Variants in DOT1L observed in about 807,000 individuals in gnomAD.
DOT1L encodes the protein DOT1 like histone lysine methyltransferase, also known as histone-lysine N-methyltransferase, H3 lysine-79 specific.
A neutral mutation model predicts 153.3 loss-of-function variants in DOT1L; 33 were observed. The ratio of observed to expected loss-of-function variants is 0.22; its 90% confidence interval spans 0.16 to 0.29. DOT1L has a LOEUF of 0.29. DOT1L is among the 10% of genes least tolerant of loss of function. The pLI is 1.00. For missense variants in DOT1L, 1,847 were observed against 2,119.9 expected (o/e 0.87, Z 2.53); for synonymous variants, 1,135 against 965.1 (o/e 1.18, Z -3.26).
intron 16 of DOT1L, chr19:2,212,961 C>T (rs2023766823): frequency 6.6e-6 from 1 of 152,322 alleles, no homozygotes; most frequent in Non-Finnish European, 1.5e-5. Context: ...GTCCCTGAGC[C>T]CTGGTTTGCA....
In DOT1L at chr19:2,214,478, C is replaced by G; in HGVS notation, c.1805C>G (p.Ala602Gly). The stretch of plus-strand genomic sequence containing the variant: ...CCATCCCTATCCCCTCAGCTCAAGG[C>G]TCGCTGCGAGGAGCTGCAGCTGGAC... ...LRGQSLQLLK[A>G]RCEELQLDWA... Residue 602 changes from alanine to glycine, a missense_variant, in exon 19 of 28, where the codon GCT becomes GGT. Transcript: ENST00000398665. 6.2e-7 allele frequency: 1 copy of G among 1,612,780 alleles called. No homozygotes were observed. Among genetic ancestry groups the G allele is most frequent in the East Asian group, 2.2e-5 (1 of 44,878 alleles).
Position 2,220,062 on chromosome 19 carries a change from CCTGGGGCACCTGCTG to C in DOT1L, c.2692-44_2692-30del. 1.3e-6 allele frequency: 2 copies of C among 1,538,740 alleles called. No individual in the cohort carries two copies. Among genetic ancestry groups the C allele is most frequent in the East Asian group, 2.3e-5 (1 of 44,232 alleles). ...CTGTTTCCAGCTGGGTTCTGGGTCT[CCTGGGGCACCTGCTG>C]CCCCTGACACACAGGGTTTTCTCTC... On this transcript the variant is annotated intron_variant, in intron 22 of 27. Transcript: ENST00000398665. This position sits in a 1 kb window ranked among gnomAD's most constrained non-coding sequence, Gnocchi z 4.5.
intron 10 of DOT1L, 134 bp downstream of exon 10, chr19:2,206,931 G>GC (rs1463135280): frequency 2.0e-5 from 18 of 889,134 alleles, no homozygotes; most frequent in Non-Finnish European, 3.2e-5. Flanking sequence ...GCTGTCCTGG[G>GC]CAGTGCAGGG....
chr19:2,186,976 C>T (rs1407829846), intron 3 of DOT1L, among the ~76,000 whole-genome samples: 1 of 152,202 alleles, frequency 6.6e-6, no homozygotes, highest in African/African-American at 2.4e-5. Flanking sequence ...AGCTCTGTGT[C>T]CGTGGAGTTG....
rs369531222 is a variant in DOT1L, at chr19:2,231,814, G to A, written c.*2022G>A. The A allele has an allele frequency of 4.6e-6, 1 of 218,514 alleles. No homozygotes were observed. The highest frequency in any genetic ancestry group is 9.2e-6 in the Non-Finnish European group (1 of 108,754). The allele number at this position is 218,514 out of a possible 1,614,324, so 13.5% of individuals were successfully genotyped here. A position where few individuals can be genotyped will look rare whatever the true frequency, so the allele number is the denominator to read the frequency against. On this transcript the variant is annotated 3_prime_UTR_variant, in exon 28 of 28. Coordinates refer to ENST00000398665, the MANE Select transcript of DOT1L (RefSeq NM_032482.3). ...CCTCTAGGTGACAGTGGCAGTCCGGGTGCCATCACGGGTCCTGCAGATGGC... is the reference window on the plus strand; with the variant it reads ...CCTCTAGGTGACAGTGGCAGTCCGGATGCCATCACGGGTCCTGCAGATGGC...
intron 2 of DOT1L, among the ~76,000 whole-genome samples, chr19:2,183,498 G>A (rs1007662207): frequency 2.6e-5 from 4 of 152,140 alleles, no homozygotes; most frequent in Admixed American, 6.5e-5. Context: ...TTGGATGTCC[G>A]TTGAGAATCA....
chr19:2,166,077 A>ATATGTTATGTTATGTTATGT (rs369384556), intron 1 of DOT1L, among the ~76,000 whole-genome samples: 6 of 146,294 alleles, frequency 4.1e-5, no homozygotes, highest in African/African-American at 1.5e-4. Flanking sequence ...GCCCACATTT[A>ATATGTTATGTTATGTTATGT]TATGTTATGT....
intron 1 of DOT1L, 76 bp from the exon 2 acceptor site, chr19:2,180,637 G>T: frequency 6.4e-7 from 1 of 1,569,928 alleles, no homozygotes; most frequent in Admixed American, 1.7e-5. Context: ...TGACGGCATC[G>T]CTTGTCCGGG....
rs2023791080 is a variant in DOT1L at position 2,213,632 on chromosome 19, T to G, written c.1651T>G (p.Leu551Val). 4 of 1,613,400 alleles carry G rather than the reference T, an allele frequency of 2.5e-6. No individual in the cohort carries two copies. Among genetic ancestry groups the G allele is most frequent in the Non-Finnish European group, 3.4e-6 (4 of 1,179,896 alleles). Residue 551 changes from leucine to valine, a missense_variant, in exon 17 of 28, where the codon TTG becomes GTG. Leu to Val is a conservative substitution (Grantham distance 32). Around this residue, in one of 8 missense-constraint regions of DOT1L, gnomAD observed 156 missense variants for 235.7 expected, o/e 0.66. Coordinates refer to ENST00000398665, the MANE Select transcript of DOT1L (RefSeq NM_032482.3). ...GATCAGGAGGCTGTTTCAGCAAAAA[T>G]TGGATGAGGTAGTGGACCCCAGAGG... ...EEIRRLFQQK[L>V]DELGVKALTY... is the part of the protein sequence containing the mutation.
At chr19:2,192,038 A>G (rs1476954334) in intron 5 of DOT1L, among the ~76,000 whole-genome samples, 1 of 152,144 alleles carries the variant, frequency 6.6e-6, no homozygotes, top group Non-Finnish European at 1.5e-5. Flanking sequence ...AGGGTCAGAC[A>G]GTGAAGGCCC....
At chr19:2,194,810 G>A (rs1429951146) in intron 7 of DOT1L, among the ~76,000 whole-genome samples, 2 of 152,198 alleles carry the variant, frequency 1.3e-5, no homozygotes, top group African/African-American at 2.4e-5. Flanking sequence ...TCTGTCCCTC[G>A]GCAGCATGCG....
rs745401555 is a variant in DOT1L, at chr19:2,193,591, A to G, written c.494-98A>G. 2 of 1,172,866 alleles carry G rather than the reference A, an allele frequency of 1.7e-6. No individual in the cohort carries two copies. The highest frequency in any genetic ancestry group is 2.0e-5 in the Admixed American group (1 of 50,750). The allele number at this position is 1,172,866 out of a possible 1,614,324, so 72.7% of individuals were successfully genotyped here. ...ACTGTGGCCTCCCCTGTGGGTCTTCATGGCCGCATTCTTGTGGCCTCTGTC... is the reference window on the plus strand; with the variant it reads ...ACTGTGGCCTCCCCTGTGGGTCTTCGTGGCCGCATTCTTGTGGCCTCTGTC... On this transcript the variant is annotated intron_variant, in intron 5 of 27. Transcript: ENST00000398665. This position sits in a 1 kb window ranked among gnomAD's most constrained non-coding sequence, Gnocchi z 5.9.
At position 2,174,956 on chromosome 19, in the gene DOT1L, ATATGTGTGTG is replaced by A. The variant is rs1291632071; in HGVS notation, c.82-5755_82-5746del. On this transcript the variant is annotated intron_variant, in intron 1 of 27. Coordinates refer to ENST00000398665, the MANE Select transcript of DOT1L (RefSeq NM_032482.3). ...CTGATCTCTTTTTAAGTTTTTAAATATATGTGTGTGTGTGTGTGTGTGTGTGTGTGTGTGT... is the reference window on the plus strand; with the variant it reads ...CTGATCTCTTTTTAAGTTTTTAAATATGTGTGTGTGTGTGTGTGTGTGTGT... Among the ~76,000 whole-genome samples, 359 of 100,570 alleles carry A rather than the reference ATATGTGTGTG, an allele frequency of 3.6e-3. 2 individuals are homozygous for A. Among genetic ancestry groups the A allele is most frequent in the African/African-American group, 0.013 (335 of 26,720 alleles). 66.0% of individuals were successfully genotyped at this position (100,570 alleles called of 152,430 possible).
At chr19:2,219,418 C>T (rs1378567039) in intron 22 of DOT1L, among the ~76,000 whole-genome samples, 3 of 152,174 alleles carry the variant, frequency 2.0e-5, no homozygotes, top group Non-Finnish European at 2.9e-5. Flanking sequence ...AGCCCCCGGG[C>T]CCCCGAACAC....
chr19:2,196,356 A>G (rs1235794473), intron 7 of DOT1L, among the ~76,000 whole-genome samples: 1 of 152,188 alleles, frequency 6.6e-6, no homozygotes, highest in African/African-American at 2.4e-5. Context: ...TGTGTGAAAG[A>G]AAGTCTTGTT....
chr19:2,209,710 G>C (rs1036774808), intron 12 of DOT1L, among the ~76,000 whole-genome samples: 1 of 152,360 alleles, frequency 6.6e-6, no homozygotes, highest in African/African-American at 2.4e-5. Flanking sequence ...TGTTTGTCCG[G>C]GCGTCCTTTC....
At chr19:2,172,092 G>A (rs2021665633) in intron 1 of DOT1L, among the ~76,000 whole-genome samples, 1 of 152,190 alleles carries the variant, frequency 6.6e-6, no homozygotes, top group African/African-American at 2.4e-5. Context: ...GGGAGGGAGT[G>A]ACTGAAACTC....
At chr19:2,218,898 C>G (rs945656664) in intron 22 of DOT1L, among the ~76,000 whole-genome samples, 13 of 151,948 alleles carry the variant, frequency 8.6e-5, no homozygotes, top group Non-Finnish European at 1.2e-4. Flanking sequence ...GAGTCTTGCT[C>G]TGTTGCCCAG....
At position 2,222,623 on chromosome 19, in the gene DOT1L, G is replaced by A. The variant is rs550709071; in HGVS notation, c.3390+64G>A. 97 of 1,434,600 alleles carry A rather than the reference G, an allele frequency of 6.8e-5. No individual in the cohort carries two copies. The highest frequency in any genetic ancestry group is 1.4e-4 in the South Asian group (10 of 71,088). The allele number at this position is 1,434,600 out of a possible 1,614,324, so 88.9% of individuals were successfully genotyped here. A position where few individuals can be genotyped will look rare whatever the true frequency, so the allele number is the denominator to read the frequency against. On this transcript the variant is annotated intron_variant, in intron 24 of 27. Coordinates refer to ENST00000398665, the MANE Select transcript of DOT1L (RefSeq NM_032482.3). The surrounding 1 kb of genome is among the most constrained non-coding windows in gnomAD (Gnocchi z 6.5). ...GTGAAAGAAAGACCAGAGGGAGACCGGGCGCGGTGGCTCACGCCTGTAATC... is the reference window on the plus strand; with the variant it reads ...GTGAAAGAAAGACCAGAGGGAGACCAGGCGCGGTGGCTCACGCCTGTAATC...
Sources: gnomAD v4.1 joint callset for allele counts (sites outside exome capture counted in the v4.1 genomes callset) on GRCh38, gnomAD v4.1.1 for gene constraint, gnomAD v4.1.1 regional missense constraint, Gnocchi (gnomAD v3.1) non-coding constraint, MANE v1.5 for transcripts, NCBI Gene and HGNC (gene_info 2026-07-23, HGNC 2026-07-21) for gene names.